The following COL5A1 variants were observed in gnomAD, a reference collection of about 807,000 sequenced individuals.
The protein encoded by COL5A1 is collagen type V alpha 1 chain, also known as collagen alpha-1(V) chain.
COL5A1 carries 16 observed loss-of-function variants against 263.7 expected under a neutral mutation model. That is an observed-to-expected ratio of 0.06 (90% confidence interval 0.04 to 0.09). The LOEUF (loss-of-function observed/expected upper bound fraction) is 0.09, where lower values mean the gene tolerates loss of function less well. Among genes scored for constraint, COL5A1 ranks in the 10% least tolerant of loss-of-function variants. The pLI is 1.00. For missense variants in COL5A1, 2,036 were observed against 2,540.5 expected (o/e 0.80, Z 4.27); for synonymous variants, 1,012 against 1,004.5 (o/e 1.01, Z -0.14).
intron 31 of COL5A1, among the ~76,000 whole-genome samples, chr9:134,786,278 C>G (rs879829952): frequency 6.6e-6 from 1 of 152,324 alleles, no homozygotes; most frequent in Admixed American, 6.5e-5. Context: ...GAGGGATGCT[C>G]CACCGGCCGT....
In COL5A1 at chr9:134,837,795, C is replaced by T. The variant is rs535619174; in HGVS notation, c.5370+2591C>T. Among the ~76,000 whole-genome samples, 6 of 152,210 alleles carry T rather than the reference C, an allele frequency of 3.9e-5. No homozygotes were observed. The South Asian group carries it at 8.3e-4, about 21-fold the overall frequency. ...CGCCTCCAGAAACACTCCCCACGTC[C>T]GAATGCGAACCACCAATACAAGTGT... On this transcript the variant is annotated intron_variant, in intron 65 of 65. Coordinates refer to ENST00000371817, the MANE Select transcript of COL5A1 (RefSeq NM_000093.5).
intron 63 of COL5A1, 123 bp from the exon 64 acceptor site, chr9:134,829,853 G>GCC: frequency 9.2e-7 from 1 of 1,087,988 alleles, no homozygotes; most frequent in Non-Finnish European, 1.4e-6. Flanking sequence ...CCTCCCTGCA[G>GCC]CCCCCCCGGC....
At chr9:134,658,674 C>A (rs1269591050) in intron 1 of COL5A1, among the ~76,000 whole-genome samples, 1 of 152,148 alleles carries the variant, frequency 6.6e-6, no homozygotes, top group Non-Finnish European at 1.5e-5. Flanking sequence ...GCCGACGCCC[C>A]TCTTGTACCC....
At chr9:134,725,489 C>T (rs996914659) in intron 4 of COL5A1, among the ~76,000 whole-genome samples, 2 of 152,202 alleles carry the variant, frequency 1.3e-5, no homozygotes, top group African/African-American at 4.8e-5. Flanking sequence ...TTGGAACACC[C>T]AGGGTGCTGC....
chr9:134,779,744 C>T (rs1837184490), intron 27 of COL5A1, among the ~76,000 whole-genome samples: 1 of 152,184 alleles, frequency 6.6e-6, no homozygotes, highest in Admixed American at 6.5e-5. Flanking sequence ...CCTCCCCAAA[C>T]CTCTGAAAGG....
intron 63 of COL5A1, among the ~76,000 whole-genome samples, chr9:134,826,712 T>TGC (rs1839284604): frequency 2.8e-5 from 2 of 72,560 alleles, no homozygotes; most frequent in Admixed American, 1.3e-4. Context: ...TATGTGGGGG[T>TGC]GTGTGGGTGG....
At chr9:134,735,415 C>T (rs1406073731) in intron 9 of COL5A1, among the ~76,000 whole-genome samples, 1 of 147,964 alleles carries the variant, frequency 6.8e-6, no homozygotes, top group Admixed American at 6.7e-5. Flanking sequence ...TATATCGAGG[C>T]GTTTTCCTCT....
intron 64 of COL5A1, among the ~76,000 whole-genome samples, chr9:134,831,201 T>G (rs1346033113): frequency 6.6e-6 from 1 of 152,236 alleles, no homozygotes; most frequent in Non-Finnish European, 1.5e-5. Context: ...GCCTTTGCCC[T>G]GTCTGCACCT....
chr9:134,718,516 G>A (rs1834348061), intron 4 of COL5A1, among the ~76,000 whole-genome samples: 1 of 152,262 alleles, frequency 6.6e-6, no homozygotes, highest in African/African-American at 2.4e-5. Context: ...TGAGCAGAGT[G>A]GTTCAGGGGC....
At position 134,754,476 on chromosome 9, in the gene COL5A1, T is replaced by A. The variant is rs540250779; in HGVS notation, c.1827+150T>A. ...TGATGGGTGCGTCCATCCCCAAGGCTGCCTCTGAGCCAGCTGCCTGGGAGG... is the reference window on the plus strand; with the variant it reads ...TGATGGGTGCGTCCATCCCCAAGGCAGCCTCTGAGCCAGCTGCCTGGGAGG... On this transcript the variant is annotated intron_variant, in intron 16 of 65. Transcript: ENST00000371817. This position sits in a 1 kb window ranked among gnomAD's most constrained non-coding sequence, Gnocchi z 4.3. 1 of 904,136 alleles carries A rather than the reference T, an allele frequency of 1.1e-6. No individual in the cohort carries two copies. The highest frequency in any genetic ancestry group is 1.8e-6 in the Non-Finnish European group (1 of 559,026). The allele number at this position is 904,136 out of a possible 1,614,324, so 56.0% of individuals were successfully genotyped here.
chr9:134,650,701 C>A (rs922485767), intron 1 of COL5A1, among the ~76,000 whole-genome samples: 1 of 152,248 alleles, frequency 6.6e-6, no homozygotes, highest in Non-Finnish European at 1.5e-5. Context: ...GGGATGCATG[C>A]GCCTGAAGGC....
intron 65 of COL5A1, among the ~76,000 whole-genome samples, chr9:134,840,197 C>T (rs1375265962): frequency 6.6e-6 from 1 of 152,214 alleles, no homozygotes; most frequent in Non-Finnish European, 1.5e-5. Context: ...TAACAAGCTC[C>T]CTGAGAACTC....
intron 18 of COL5A1, among the ~76,000 whole-genome samples, chr9:134,759,842 GCACACCCC>G (rs1249255129): frequency 6.3e-4 from 6 of 9,490 alleles, no homozygotes; most frequent in Non-Finnish European, 6.6e-4. Context: ...CCCCACTCAC[GCACACCCC>G]CACACCCCCA....
chr9:134,818,014 G>T lies in COL5A1; in HGVS notation c.4230+183G>T, dbSNP rs1301423928. Among the ~76,000 whole-genome samples the T allele has an allele frequency of 1.3e-5, 2 of 152,224 alleles. No homozygotes were observed. Among genetic ancestry groups the T allele is most frequent in the Non-Finnish European group, 2.9e-5 (2 of 68,022 alleles). ...GGTTCTCTCTCAAGGAGGCAGCCAA[G>T]TGGTGGCCACAAGACTGGGGCCGTC... On this transcript the variant is annotated intron_variant, in intron 54 of 65. Coordinates refer to ENST00000371817, the MANE Select transcript of COL5A1 (RefSeq NM_000093.5). This position sits in a 1 kb window ranked among gnomAD's most constrained non-coding sequence, Gnocchi z 6.0.
intron 65 of COL5A1, 145 bp downstream of exon 65, chr9:134,835,349 C>T (rs1428344756): frequency 5.6e-6 from 4 of 713,294 alleles, no homozygotes; most frequent in Non-Finnish European, 7.2e-6. Flanking sequence ...GGCAGCCCCA[C>T]AGTTGCAGGG....
At chr9:134,801,858 A>C (rs754133837) in intron 37 of COL5A1, 96 bp from the exon 38 acceptor site, 3 of 933,958 alleles carry the variant, frequency 3.2e-6, no homozygotes, top group Non-Finnish European at 3.4e-6. Context: ...TCTGGGGGGA[A>C]GGGAGGTGGG....
At position 134,815,598 on chromosome 9, in the gene COL5A1, A is replaced by C; in HGVS notation, c.4037A>C (p.Asp1346Ala). ...GSPGPVGFPG[D>A]PGPPGEPGPA... ...CAGGGCCCAGTGGGTTTTCCTGGAG[A>C]TCCTGGCCCCCCCGGAGAGCCTGGC... The change falls in exon 51 of 66, where the codon GAT (aspartate) becomes GCT (alanine). Residue 1346 changes from aspartate to alanine, a missense_variant. Coordinates refer to ENST00000371817, the MANE Select transcript of COL5A1 (RefSeq NM_000093.5). 6.2e-7 allele frequency: 1 copy of C among 1,613,368 alleles called. No homozygotes were observed. Among genetic ancestry groups the C allele is most frequent in the Non-Finnish European group, 8.5e-7 (1 of 1,179,844 alleles).
intron 4 of COL5A1, chr9:134,709,271 G>A (rs1833949120): frequency 3.3e-6 from 1 of 305,902 alleles, no homozygotes; most frequent in Admixed American, 4.9e-5. Context: ...CTCTAGCTGA[G>A]GCTTCGGGGT....
In COL5A1 at chr9:134,754,880, G is replaced by T. The variant is rs1225723377; in HGVS notation, c.1827+554G>T. ...GGGGCAGGCCCTGGGAGCCCAGATT[G>T]TGCTCTCAAAAGTGGACCTTTTCAA... On this transcript the variant is annotated intron_variant, in intron 16 of 65. Coordinates refer to ENST00000371817, the MANE Select transcript of COL5A1 (RefSeq NM_000093.5). The surrounding 1 kb of genome is among the most constrained non-coding windows in gnomAD (Gnocchi z 4.3). 6.6e-6 allele frequency among the ~76,000 whole-genome samples: 1 copy of T among 152,134 alleles called. No homozygotes were observed. The highest frequency in any genetic ancestry group is 2.4e-5 in the African/African-American group (1 of 41,440).
Sources: allele counts gnomAD v4.1 joint callset (sites outside exome capture counted in the v4.1 genomes callset), GRCh38; gene constraint gnomAD v4.1.1; non-coding constraint Gnocchi (gnomAD v3.1); transcripts MANE v1.5; gene names NCBI Gene and HGNC (gene_info 2026-07-23, HGNC 2026-07-21).